Variants in PLXDC2 observed in about 807,000 individuals in gnomAD.
PLXDC2 encodes the protein plexin domain-containing protein 2.
PLXDC2 carries 40 observed loss-of-function variants against 68.9 expected under a neutral mutation model. That is an observed-to-expected ratio of 0.58 (90% CI 0.45 to 0.76). The LOEUF (loss-of-function observed/expected upper bound fraction) is 0.76, where lower values mean the gene tolerates loss of function less well. Ranked by LOEUF, PLXDC2 falls within the 30% of genes least tolerant of loss-of-function variation. PLXDC2 has a pLI of 0.00. For synonymous variants in PLXDC2, 243 were observed against 234.2 expected (o/e 1.04, Z -0.34); for missense variants, 644 against 661.9 (o/e 0.97, Z 0.30).
At chr10:19,856,147 G>A (rs1316825008) in intron 1 of PLXDC2, among the ~76,000 whole-genome samples, 4 of 151,878 alleles carry the variant, frequency 2.6e-5, no homozygotes, top group Non-Finnish European at 5.9e-5. Context: ...TAAAAACTGG[G>A]TATGTCAGAT....
At chr10:20,265,549 A>G (rs890256954) in intron 13 of PLXDC2, among the ~76,000 whole-genome samples, 2 of 152,222 alleles carry the variant, frequency 1.3e-5, no homozygotes, top group Non-Finnish European at 2.9e-5. Context: ...CTAAGCTCTC[A>G]TTTATTGAAT....
chr10:19,956,156 T>C (rs758819932), intron 1 of PLXDC2, among the ~76,000 whole-genome samples: 1 of 152,212 alleles, frequency 6.6e-6, no homozygotes, highest in Non-Finnish European at 1.5e-5. Flanking sequence ...TTCTTGAAAC[T>C]ATAAATACTT....
intron 3 of PLXDC2, among the ~76,000 whole-genome samples, chr10:20,057,258 A>G (rs1436708672): frequency 1.3e-5 from 2 of 152,210 alleles, no homozygotes; most frequent in African/African-American, 4.8e-5. Flanking sequence ...TTTTTTTTAG[A>G]GTAAACACAT....
chr10:20,056,104 T>C lies in PLXDC2; in HGVS notation c.471+9089T>C, dbSNP rs191997109. Among the ~76,000 whole-genome samples, 6 of 152,310 alleles carry C rather than the reference T, an allele frequency of 3.9e-5. No individual in the cohort carries two copies. The East Asian group carries it at 7.7e-4, about 20-fold the overall frequency. The stretch of plus-strand genomic sequence containing the variant: ...TCCCTGTCAATTTCATCCTGTACTA[T>C]GTAGTTTTGATAGTGATGTCTGTCC... On this transcript the variant is annotated intron_variant, in intron 3 of 13. Transcript: ENST00000377252.
intron 12 of PLXDC2, among the ~76,000 whole-genome samples, chr10:20,238,668 T>TATATATGTATATATATATATATATACAC (rs760904961): frequency 1.0e-5 from 1 of 96,758 alleles, no homozygotes; most frequent in Non-Finnish European, 2.0e-5. Flanking sequence ...AAAAAATATA[T>TATATATGTATATATATATATATATACAC]ATATATATGT....
At chr10:20,028,220 A>G (rs972737639) in intron 2 of PLXDC2, among the ~76,000 whole-genome samples, 15 of 152,132 alleles carry the variant, frequency 9.9e-5, no homozygotes, top group African/African-American at 1.7e-4. Flanking sequence ...CCATCTCAAA[A>G]TCTGATTTAA....
At chr10:19,957,196 G>T (rs1276950758) in intron 1 of PLXDC2, among the ~76,000 whole-genome samples, 2 of 152,150 alleles carry the variant, frequency 1.3e-5, no homozygotes, top group African/African-American at 4.8e-5. Context: ...CTTTGAACTG[G>T]TACTGTGTGG....
At chr10:19,990,605 G>A (rs1834730782) in intron 1 of PLXDC2, among the ~76,000 whole-genome samples, 1 of 151,922 alleles carries the variant, frequency 6.6e-6, no homozygotes, top group Non-Finnish European at 1.5e-5. Context: ...TTAACTGGTT[G>A]TTTGTATGTT....
intron 1 of PLXDC2, among the ~76,000 whole-genome samples, chr10:19,895,230 T>A (rs1311037769): frequency 6.6e-6 from 1 of 152,076 alleles, no homozygotes; most frequent in Non-Finnish European, 1.5e-5. Context: ...TCTGGAGGTG[T>A]CACAGGGGCC....
At chr10:20,270,585 CT>C (rs1835925224) in intron 13 of PLXDC2, among the ~76,000 whole-genome samples, 1 of 151,840 alleles carries the variant, frequency 6.6e-6, no homozygotes, top group Admixed American at 6.6e-5. Flanking sequence ...GCTCTTGTTG[CT>C]CAGGCTGGAG....
intron 1 of PLXDC2, among the ~76,000 whole-genome samples, chr10:19,997,432 G>C (rs1834861578): frequency 6.6e-6 from 1 of 152,148 alleles, no homozygotes; most frequent in Non-Finnish European, 1.5e-5. Flanking sequence ...GAAATGTGCA[G>C]GTCAAAGTGT....
At chr10:19,869,117 C>G (rs1020565872) in intron 1 of PLXDC2, among the ~76,000 whole-genome samples, 6 of 152,002 alleles carry the variant, frequency 3.9e-5, no homozygotes, top group African/African-American at 9.7e-5. Flanking sequence ...TGAAAAGGGG[C>G]TTTGTGCGGT....
chr10:20,106,908 TATAAAGG>T (rs1833498625), intron 4 of PLXDC2, among the ~76,000 whole-genome samples: 1 of 151,546 alleles, frequency 6.6e-6, no homozygotes, highest in African/African-American at 2.4e-5. Flanking sequence ...TTACATGTAG[TATAAAGG>T]ATAAAGTAAC....
intron 9 of PLXDC2, among the ~76,000 whole-genome samples, chr10:20,185,074 G>A (rs916401212): frequency 6.9e-6 from 1 of 145,002 alleles, no homozygotes; most frequent in African/African-American, 2.6e-5. Context: ...TAGATGGCAG[G>A]TTGATAGGTG....
chr10:19,885,273 G>C (rs1007416609), intron 1 of PLXDC2, among the ~76,000 whole-genome samples: 145 of 151,060 alleles, frequency 9.6e-4, no homozygotes, highest in African/African-American at 3.5e-3. Context: ...AGATGAGTAG[G>C]TTGCGAAAAT....
intron 4 of PLXDC2, among the ~76,000 whole-genome samples, chr10:20,101,685 T>C (rs375416463): frequency 6.6e-6 from 1 of 152,204 alleles, no homozygotes; most frequent in African/African-American, 2.4e-5. Flanking sequence ...TTGACTGACC[T>C]GCATTCTTGA....
chr10:20,185,098 T>C (rs1297172873), intron 9 of PLXDC2, among the ~76,000 whole-genome samples: 1 of 123,752 alleles, frequency 8.1e-6, no homozygotes, highest in Non-Finnish European at 1.6e-5. Context: ...CAAACCACCA[T>C]AGCACATGTA....
At chr10:20,022,629 T>C (rs1164252822) in intron 2 of PLXDC2, among the ~76,000 whole-genome samples, 1 of 151,772 alleles carries the variant, frequency 6.6e-6, no homozygotes, top group African/African-American at 2.4e-5. Context: ...ACAAACTCCC[T>C]CCTCTACACG....
rs547519320 is a variant in PLXDC2 at position 20,265,318 on chromosome 10, G to T, written c.1474-14385G>T. The stretch of plus-strand genomic sequence containing the variant: ...ACTGGTGGAATCAGTGCAGCCATCT[G>T]CCAGAACTCAGAATGCATGCATACA... On this transcript the variant is annotated intron_variant, in intron 13 of 13. Coordinates refer to ENST00000377252, the MANE Select transcript of PLXDC2 (RefSeq NM_032812.9). Among the ~76,000 whole-genome samples the T allele has an allele frequency of 1.4e-4, 22 of 152,292 alleles. 1 individual carries two copies. In the South Asian group the frequency reaches 1.7e-3, roughly 11 times the overall value.
Sources: allele counts gnomAD v4.1 joint callset (sites outside exome capture counted in the v4.1 genomes callset), GRCh38; gene constraint gnomAD v4.1.1; transcripts MANE v1.5; gene names NCBI Gene and HGNC (gene_info 2026-07-23, HGNC 2026-07-21).